VGLL4: variants seen among roughly 807,000 people sequenced by gnomAD.
VGLL4 encodes transcription cofactor vestigial-like protein 4.
A neutral mutation model predicts 21.0 loss-of-function variants in VGLL4; 7 were observed. The ratio of observed to expected loss-of-function variants is 0.33; its 90% CI spans 0.19 to 0.63. The LOEUF (loss-of-function observed/expected upper bound fraction) is 0.63, where lower values mean the gene tolerates loss of function less well. Ranked by LOEUF, VGLL4 falls within the 20% of genes least tolerant of loss-of-function variation. The pLI is 0.78. For synonymous variants in VGLL4, 222 were observed against 173.2 expected, an observed-to-expected ratio of 1.28 and a Z score of -2.21; for missense variants, 394 against 425.7, an observed-to-expected ratio of 0.93 and a Z score of 0.66.
intron 2 of VGLL4, among the ~76,000 whole-genome samples, chr3:11,688,183 GC>G (rs2076477959): frequency 6.6e-6 from 1 of 152,138 alleles, no homozygotes; most frequent in African/African-American, 2.4e-5. Flanking sequence ...CAATATAATT[GC>G]TAGCCTGAAT....
At chr3:11,700,483 T>C (rs1354064197) in intron 2 of VGLL4, among the ~76,000 whole-genome samples, 3 of 152,172 alleles carry the variant, frequency 2.0e-5, no homozygotes, top group Non-Finnish European at 4.4e-5. Context: ...CCTACAGTCT[T>C]ACAGTGGCTG....
At chr3:11,680,604 A>G (rs1214602942) in intron 2 of VGLL4, among the ~76,000 whole-genome samples, 4 of 152,158 alleles carry the variant, frequency 2.6e-5, no homozygotes, top group Admixed American at 1.3e-4. Flanking sequence ...CACACCATTC[A>G]GCCACTCTTT....
At position 11,719,490 on chromosome 3, in the gene VGLL4, C is replaced by T. The variant is rs1251511532; in HGVS notation, c.-14+904G>A. 1 of 151,220 alleles carries T rather than the reference C, an allele frequency of 6.6e-6. No homozygotes were observed. Among genetic ancestry groups the T allele is most frequent in the Non-Finnish European group, 1.5e-5 (1 of 67,720 alleles). The allele number at this position is 151,220 out of a possible 1,614,324, so 9.4% of individuals were successfully genotyped here. A position where few individuals can be genotyped will look rare whatever the true frequency, so the allele number is the denominator to read the frequency against. On this transcript the variant is annotated intron_variant, in intron 1 of 5. Coordinates refer to the VGLL4 transcript ENST00000273038. This position sits in a 1 kb window ranked among gnomAD's most constrained non-coding sequence, Gnocchi z 4.0. ...GGGGACCCAGGGGCGGGGACGGGAC[C>T]TGGGCACGCGGGGCGCACCCCGAGG...
intron 2 of VGLL4, among the ~76,000 whole-genome samples, chr3:11,690,520 A>C (rs556158901): frequency 2.2e-4 from 34 of 152,226 alleles, no homozygotes; most frequent in African/African-American, 8.2e-4. Context: ...TATTCCTCTT[A>C]ATTCTGCTTG....
intron 1 of VGLL4, among the ~76,000 whole-genome samples, chr3:11,714,190 G>A (rs1050011825): frequency 2.6e-5 from 4 of 152,082 alleles, no homozygotes; most frequent in African/African-American, 7.2e-5. Flanking sequence ...CACATTTCAC[G>A]GCCCTATGCA....
intron 2 of VGLL4, among the ~76,000 whole-genome samples, chr3:11,664,688 A>AT (rs1484985139): frequency 1.3e-5 from 2 of 152,180 alleles, no homozygotes; most frequent in Non-Finnish European, 2.9e-5. Flanking sequence ...CACCATTTAC[A>AT]TTCTTGAATA....
rs1030358180 is a variant in VGLL4 at position 11,671,458 on chromosome 3, G to T, written c.64+31513C>A. On this transcript the variant is annotated intron_variant, in intron 2 of 5. Transcript: ENST00000273038. ...CAGTTGTCCCTCAGTATTCGCCGGGGATTGGTCCCAGGACCCCCAGGTGTA... is the reference window on the plus strand; with the variant it reads ...CAGTTGTCCCTCAGTATTCGCCGGGTATTGGTCCCAGGACCCCCAGGTGTA... The T allele has an allele frequency of 2.6e-5, 19 of 723,490 alleles. 1 individual carries two copies. Among genetic ancestry groups the T allele is most frequent in the African/African-American group, 1.9e-4 (11 of 58,424 alleles). The allele number at this position is 723,490 out of a possible 1,614,324, so 44.8% of individuals were successfully genotyped here.
In VGLL4 at chr3:11,565,227, G is replaced by A. The variant is rs2073416466; in HGVS notation, c.273-208C>T. 6.6e-6 allele frequency among the ~76,000 whole-genome samples: 1 copy of A among 152,154 alleles called. No individual in the cohort carries two copies. The highest frequency in any genetic ancestry group is 2.1e-4 in the South Asian group (1 of 4,826). ...TGCCGGAGAAGCTGCTGCCAGCGGA[G>A]TCCAAAGTCAGCTCCATAGAAGATG... On this transcript the variant is annotated intron_variant, in intron 2 of 4. Transcript: ENST00000430365. The surrounding 1 kb of genome is among the most constrained non-coding windows in gnomAD (Gnocchi z 4.1).
Position 11,659,326 on chromosome 3 carries a change from C to CTTTTTTTTTTTTTT in VGLL4, c.64+43631_64+43644dup, listed in dbSNP as rs5846714. On this transcript the variant is annotated intron_variant, in intron 2 of 5. Coordinates refer to the VGLL4 transcript ENST00000273038. ...TCTGTTTTCTTTTCTTTTTCTTTTT[C>CTTTTTTTTTTTTTT]TTTTTTTTTTTTTTTTTTTTTTGAG... Among the ~76,000 whole-genome samples, 4 of 70,814 alleles carry CTTTTTTTTTTTTTT rather than the reference C, an allele frequency of 5.6e-5. No individual in the cohort carries two copies. The Admixed American group carries it at 5.9e-4, about 10-fold the overall frequency. 46.5% of individuals were successfully genotyped at this position (70,814 alleles called of 152,430 possible). A position where few individuals can be genotyped will look rare whatever the true frequency, so the allele number is the denominator to read the frequency against.
intron 2 of VGLL4, among the ~76,000 whole-genome samples, chr3:11,667,709 G>T (rs2076146963): frequency 6.6e-6 from 1 of 151,976 alleles, no homozygotes; most frequent in Non-Finnish European, 1.5e-5. Context: ...TTCAAAAGGT[G>T]CTTCCTTTAA....
intron 2 of VGLL4, among the ~76,000 whole-genome samples, chr3:11,675,683 A>G (rs2076279833): frequency 6.6e-6 from 1 of 152,266 alleles, no homozygotes; most frequent in Non-Finnish European, 1.5e-5. Context: ...AAAACTGCTC[A>G]GAGATAACAA....
chr3:11,676,413 A>ATAATAAT (rs1553742911), intron 2 of VGLL4, among the ~76,000 whole-genome samples: 41 of 46,934 alleles, frequency 8.7e-4, no homozygotes, highest in African/African-American at 1.9e-3. Context: ...AAAAAAAATA[A>ATAATAAT]AATAATAATA....
In VGLL4 at chr3:11,557,392, G is replaced by T. The variant is rs1040361311; in HGVS notation, c.*1164C>A. The T allele has an allele frequency of 1.3e-5, 2 of 152,788 alleles. No homozygotes were observed. Among genetic ancestry groups the T allele is most frequent in the Non-Finnish European group, 1.5e-5 (1 of 68,054 alleles). The allele number at this position is 152,788 out of a possible 1,614,324, so 9.5% of individuals were successfully genotyped here. On this transcript the variant is annotated 3_prime_UTR_variant, in exon 5 of 5. Coordinates refer to ENST00000430365, the MANE Select transcript of VGLL4 (RefSeq NM_001128219.3). ...AGTTCAAAGGGAGCAGTTTCTGCAT[G>T]TAGGGAAGTTGGAAGACACAAACCC...
intron 2 of VGLL4, among the ~76,000 whole-genome samples, chr3:11,579,217 T>A (rs1348564932): frequency 2.7e-4 from 37 of 134,608 alleles, no homozygotes; most frequent in Admixed American, 2.3e-4. Flanking sequence ...GCTAACTTTC[T>A]AAAAAAAAAA....
upstream of VGLL4, among the ~76,000 whole-genome samples, chr3:11,644,845 CA>C (rs11293808): frequency 0.2 from 14,263 of 70,976 alleles, 521 homozygotes; most frequent in South Asian, 0.31. Context: ...GACTTTGTCT[CA>C]AAAAAAAAAA....
intron 1 of VGLL4, 74 bp from the exon 2 acceptor site, chr3:11,602,096 G>T: frequency 7.4e-7 from 1 of 1,346,564 alleles, no homozygotes. Flanking sequence ...CTCCCCGCCC[G>T]CCCAGCCAGC....
At chr3:11,562,720 G>A (rs1420946389) in intron 3 of VGLL4, among the ~76,000 whole-genome samples, 2 of 152,254 alleles carry the variant, frequency 1.3e-5, no homozygotes, top group Admixed American at 6.5e-5. Context: ...CAGCAGCCAC[G>A]GCAAGGAGGG....
intron 2 of VGLL4, chr3:11,699,452 T>C (rs1014670880): frequency 6.6e-6 from 1 of 152,154 alleles, no homozygotes; most frequent in South Asian, 2.1e-4. Flanking sequence ...GCTGAAACCA[T>C]GATACAGGGA....
intron 2 of VGLL4, among the ~76,000 whole-genome samples, chr3:11,657,352 C>T (rs1379745237): frequency 6.6e-6 from 1 of 152,156 alleles, no homozygotes; most frequent in Non-Finnish European, 1.5e-5. Flanking sequence ...GGAGGGTTGG[C>T]TCCTGGGTTT....
Sources: allele counts gnomAD v4.1 joint callset (sites outside exome capture counted in the v4.1 genomes callset), GRCh38; gene constraint gnomAD v4.1.1; non-coding constraint Gnocchi (gnomAD v3.1); transcripts MANE v1.5; gene names NCBI Gene and HGNC (gene_info 2026-07-23, HGNC 2026-07-21).